NOTCH2NLA: variants seen among roughly 807,000 people sequenced by gnomAD.
NOTCH2NLA encodes notch 2 N-terminal like A, also known as notch homolog 2 N-terminal-like protein A.
intron 2 of NOTCH2NLA, among the ~76,000 whole-genome samples, chr1:146,187,810 T>C (rs1662856129): frequency 7.3e-6 from 1 of 136,792 alleles, no homozygotes; most frequent in Non-Finnish European, 1.7e-5. Flanking sequence ...TTATCTCCAG[T>C]TGTATCTCCA....
intron 2 of NOTCH2NLA, among the ~76,000 whole-genome samples, chr1:146,182,286 AACTGAG>A (rs1553809334): frequency 7.3e-6 from 1 of 136,192 alleles, no homozygotes; most frequent in Admixed American, 7.7e-5. Flanking sequence ...TTGACAGGCA[AACTGAG>A]ACTCAACGTG....
chr1:146,185,530 G>T (rs1198740254), intron 2 of NOTCH2NLA, among the ~76,000 whole-genome samples: 9 of 136,576 alleles, frequency 6.6e-5, no homozygotes, highest in African/African-American at 2.2e-4. Flanking sequence ...TCCTAACACT[G>T]AGAAAAAACA....
intron 1 of NOTCH2NLA, among the ~76,000 whole-genome samples, chr1:146,228,056 T>C (rs1553820157): frequency 2.3e-5 from 3 of 128,362 alleles, no homozygotes; most frequent in Non-Finnish European, 5.0e-5. Flanking sequence ...GCCACACCAG[T>C]TGCCCTACTT....
At chr1:146,194,939 C>T (rs1229705980) in intron 1 of NOTCH2NLA, among the ~76,000 whole-genome samples, 10 of 112,606 alleles carry the variant, frequency 8.9e-5, no homozygotes, top group Admixed American at 7.3e-4. Context: ...CTGATTTCTG[C>T]CTTCCTCATT....
intron 2 of NOTCH2NLA, among the ~76,000 whole-genome samples, chr1:146,186,321 A>C (rs1250879729): frequency 2.4e-5 from 3 of 126,470 alleles, no homozygotes; most frequent in African/African-American, 7.6e-5. Flanking sequence ...ACAATTAACA[A>C]GTAGCCAGGG....
intron 3 of NOTCH2NLA, among the ~76,000 whole-genome samples, chr1:146,158,462 A>G (rs1661278141): frequency 6.6e-6 from 1 of 151,698 alleles, no homozygotes; most frequent in Non-Finnish European, 1.5e-5. Context: ...GATGGTTTCC[A>G]GCTTCATCCA....
intron 1 of NOTCH2NLA, among the ~76,000 whole-genome samples, chr1:146,195,023 GT>G (rs1163805726): frequency 8.3e-5 from 9 of 108,940 alleles, no homozygotes; most frequent in Non-Finnish European, 3.7e-5. Flanking sequence ...CCCCTGGAGG[GT>G]TCTGGTCCTC....
chr1:146,206,475 GTTAAGA>G (rs1663591809), intron 1 of NOTCH2NLA, among the ~76,000 whole-genome samples: 1 of 115,032 alleles, frequency 8.7e-6, no homozygotes, highest in Admixed American at 9.6e-5. Flanking sequence ...GCTTGGCACT[GTTAAGA>G]TTATTACCCT....
chr1:146,198,710 C>A (rs1254263763), intron 1 of NOTCH2NLA, among the ~76,000 whole-genome samples: 1 of 40,080 alleles, frequency 2.5e-5, no homozygotes, highest in Non-Finnish European at 5.4e-5. Context: ...TTCTGTTCCA[C>A]TATCTGTATT....
chr1:146,228,839 G>C, exon 1 of NOTCH2NLA: 1 of 1,511,712 alleles, frequency 6.6e-7, no homozygotes, highest in Non-Finnish European at 8.8e-7. Context: ...ATCCACATGG[G>C]GAGGGGGTCC....
At chr1:146,154,073 C>T (rs587639048), downstream of NOTCH2NLA, 1 of 105,712 alleles carries the variant, frequency 9.5e-6, no homozygotes, top group Non-Finnish European at 2.0e-5. Flanking sequence ...TGATATGTAA[C>T]AAGTACTATT....
exon 1 of NOTCH2NLA, chr1:146,228,913 C>A: frequency 6.8e-7 from 1 of 1,467,914 alleles, no homozygotes. Flanking sequence ...CCTGGCGCTA[C>A]GCTCCGAAGC....
rs1553810621 is a variant in NOTCH2NLA, at chr1:146,187,957, A to T, written c.38+1343T>A. ...TCCAAACAACCTATTGTTAAGCTTT[A>T]CTGTCATCACAGCTTAATTTTCACT... On this transcript the variant is annotated intron_variant, in intron 2 of 4. Coordinates refer to ENST00000362074, the Ensembl canonical transcript of NOTCH2NLA. Among the ~76,000 whole-genome samples the T allele has an allele frequency of 1.5e-5, 2 of 136,148 alleles. 1 individual carries two copies. The highest frequency in any genetic ancestry group is 3.4e-5 in the Non-Finnish European group (2 of 58,768). 89.3% of individuals were successfully genotyped at this position (136,148 alleles called of 152,430 possible).
intron 1 of NOTCH2NLA, among the ~76,000 whole-genome samples, chr1:146,198,533 C>T (rs587703187): frequency 1.2e-3 from 6 of 5,152 alleles, no homozygotes; most frequent in African/African-American, 3.3e-3. Flanking sequence ...CCAAAAGGTT[C>T]AGGATCTCAG....
chr1:146,187,850 T>C (rs1266171278), intron 2 of NOTCH2NLA, among the ~76,000 whole-genome samples: 1 of 136,612 alleles, frequency 7.3e-6, no homozygotes, highest in Admixed American at 7.6e-5. Context: ...CACATTTTTT[T>C]TTCCCCCAGC....
At position 146,186,827 on chromosome 1, in the gene NOTCH2NLA, G is replaced by C. The variant is rs1489696253; in HGVS notation, c.38+2473C>G. On this transcript the variant is annotated intron_variant, in intron 2 of 4. Transcript: ENST00000362074. ...TAGAACCAATTTGCCTCTCTGTATG[G>C]TATTACCACCCTGAATGCTATGTGA... is the stretch of plus-strand genomic sequence containing the variant. Among the ~76,000 whole-genome samples the C allele has an allele frequency of 7.5e-5, 10 of 133,446 alleles. 1 individual carries two copies. Among genetic ancestry groups the C allele is most frequent in the African/African-American group, 2.5e-4 (10 of 39,762 alleles). 87.5% of individuals were successfully genotyped at this position (133,446 alleles called of 152,430 possible).
chr1:146,223,890 T>C lies in NOTCH2NLA; in HGVS notation c.-45+4819A>G, dbSNP rs1351480233. On this transcript the variant is annotated intron_variant, in intron 1 of 4. Coordinates refer to ENST00000362074, the Ensembl canonical transcript of NOTCH2NLA. Reference sequence around the variant, plus strand: ...GTGGGAAAGCAGGAGTCACAGATGCTGTGACTAAGACCTGCCGCTCAGTTG... The same window carrying C: ...GTGGGAAAGCAGGAGTCACAGATGCCGTGACTAAGACCTGCCGCTCAGTTG... Among the ~76,000 whole-genome samples, 14 of 123,368 alleles carry C rather than the reference T, an allele frequency of 1.1e-4. 1 individual carries two copies. Among genetic ancestry groups the C allele is most frequent in the Admixed American group, 3.7e-4 (4 of 10,674 alleles). The allele number at this position is 123,368 out of a possible 152,430, so 80.9% of individuals were successfully genotyped here. A position where few individuals can be genotyped will look rare whatever the true frequency, so the allele number is the denominator to read the frequency against.
At chr1:146,210,594 C>G (rs1663776798) in intron 1 of NOTCH2NLA, among the ~76,000 whole-genome samples, 1 of 101,388 alleles carries the variant, frequency 9.9e-6, no homozygotes, top group South Asian at 2.9e-4. Flanking sequence ...AGGTCTATTC[C>G]TCCTCCCAAC....
intron 2 of NOTCH2NLA, among the ~76,000 whole-genome samples, chr1:146,174,366 T>G (rs1240453669): frequency 7.7e-6 from 1 of 130,552 alleles, no homozygotes; most frequent in Non-Finnish European, 1.7e-5. Context: ...GAGGCCAAAT[T>G]GCATCCAGGG....
Sources: gnomAD v4.1 joint callset for allele counts (sites outside exome capture counted in the v4.1 genomes callset) on GRCh38, gnomAD v4.1.1 for gene constraint, MANE v1.5 for transcripts, NCBI Gene and HGNC (gene_info 2026-07-23, HGNC 2026-07-21) for gene names.